The following PLAGL1 variants were observed in gnomAD, a reference collection of about 807,000 sequenced individuals.
PLAGL1 encodes zinc finger protein PLAGL1.
In PLAGL1, 1 loss-of-function variant was observed where a neutral mutation model predicts 4.6. The observed-to-expected ratio is 0.22, with a 90% CI of 0.08 to 1.03. The LOEUF is 1.03. Ranked by LOEUF, PLAGL1 falls within the 50% of genes least tolerant of loss-of-function variation. The probability of loss-of-function intolerance (pLI) is 0.58; values close to 1 mark genes in which losing one functional copy is unlikely to be tolerated. For synonymous variants in PLAGL1, 240 were observed against 237.8 expected (o/e 1.01, Z -0.08); for missense variants, 464 against 570.4 (o/e 0.81, Z 1.90).
In PLAGL1 at chr6:143,994,180, G is replaced by T. The variant is rs1333870773; in HGVS notation, c.-583-9006C>A. Reference sequence around the variant, plus strand: ...GGATTTCAAAATTGTTATGGACCAGGGACTCCCTAAAGTATACTCGTGAAA... The same window carrying T: ...GGATTTCAAAATTGTTATGGACCAGTGACTCCCTAAAGTATACTCGTGAAA... On this transcript the variant is annotated intron_variant, in intron 1 of 7. Coordinates refer to ENST00000674357, the MANE Select transcript of PLAGL1 (RefSeq NM_001317162.2). This position sits in a 1 kb window ranked among gnomAD's most constrained non-coding sequence, Gnocchi z 4.3. Among the ~76,000 whole-genome samples, 1 of 152,172 alleles carries T rather than the reference G, an allele frequency of 6.6e-6. No homozygotes were observed. The highest frequency in any genetic ancestry group is 6.5e-5 in the Admixed American group (1 of 15,304).
rs1007642247 is a variant in PLAGL1, at chr6:144,053,794, C to T, written c.-151+10674G>A. ...TGCCCAGTGAACATAGTTATAACCTCGAGATCCTTATCAGCACATCCTTCT... is the reference window on the plus strand; with the variant it reads ...TGCCCAGTGAACATAGTTATAACCTTGAGATCCTTATCAGCACATCCTTCT... On this transcript the variant is annotated intron_variant, in intron 1 of 3. Coordinates refer to the PLAGL1 transcript ENST00000437412. This position sits in a 1 kb window ranked among gnomAD's most constrained non-coding sequence, Gnocchi z 4.0. Among the ~76,000 whole-genome samples, 1 of 152,138 alleles carries T rather than the reference C, an allele frequency of 6.6e-6. No homozygotes were observed. The highest frequency in any genetic ancestry group is 1.5e-5 in the Non-Finnish European group (1 of 68,024).
At position 143,953,663 on chromosome 6, in the gene PLAGL1, C is replaced by G. The variant is rs1258447883; in HGVS notation, c.-324-5203G>C. On this transcript the variant is annotated intron_variant, in intron 6 of 7. Transcript: ENST00000674357. This position sits in a 1 kb window ranked among gnomAD's most constrained non-coding sequence, Gnocchi z 5.3. ...GTAATAGTGGGATTTTTCTAAAACA[C>G]AGCCTAATATAAAAGGGAGAAAACA... 6.6e-6 allele frequency among the ~76,000 whole-genome samples: 1 copy of G among 152,130 alleles called. No individual in the cohort carries two copies. The highest frequency in any genetic ancestry group is 1.9e-4 in the East Asian group (1 of 5,194).
Position 144,059,901 on chromosome 6 carries a change from C to T in PLAGL1, c.-151+4567G>A, listed in dbSNP as rs554385386. ...TACCTTTACTGTTTATTTCTCTGTC[C>T]CTAATGCCACTTCACTGTCCCCAGG... On this transcript the variant is annotated intron_variant, in intron 1 of 3. Transcript: ENST00000437412. This position sits in a 1 kb window ranked among gnomAD's most constrained non-coding sequence, Gnocchi z 4.9. 1.3e-5 allele frequency among the ~76,000 whole-genome samples: 2 copies of T among 152,176 alleles called. No homozygotes were observed. Among genetic ancestry groups the T allele is most frequent in the South Asian group, 2.1e-4 (1 of 4,814 alleles).
At position 143,975,917 on chromosome 6, in the gene PLAGL1, G is replaced by C. The variant is rs949820373; in HGVS notation, c.-543-6939C>G. On this transcript the variant is annotated intron_variant, in intron 2 of 7. Transcript: ENST00000674357. This position sits in a 1 kb window ranked among gnomAD's most constrained non-coding sequence, Gnocchi z 5.8. ...CACTTGAAGAGAAAAATACACACAG[G>C]GATATCTGTTGTCTGTAGATAGTGC... 6.6e-6 allele frequency among the ~76,000 whole-genome samples: 1 copy of C among 152,264 alleles called. No individual in the cohort carries two copies. The highest frequency in any genetic ancestry group is 2.1e-4 in the South Asian group (1 of 4,824).
chr6:143,942,033 A>G lies in PLAGL1; in HGVS notation c.783T>C (p.His261=), dbSNP rs200072882. The stretch of plus-strand genomic sequence containing the variant: ...GTTCTGGGGGACTGAGGGTGAGGCT[A>G]TGGACCTCAGCTGGCAAGCTACTTG... The part of the protein sequence containing the change: ...GLASSLPAEV[H]SLTLSPPEQA... Residue 261 remains histidine, a synonymous_variant, in exon 8 of 8, where the codon CAT becomes CAC. Transcript: ENST00000674357. The surrounding 1 kb of genome is among the most constrained non-coding windows in gnomAD (Gnocchi z 7.6). The G allele has an allele frequency of 6.2e-6, 10 of 1,604,360 alleles. No individual in the cohort carries two copies. The highest frequency in any genetic ancestry group is 2.2e-5 in the East Asian group (1 of 44,844).
rs1792636317 is a variant in PLAGL1, at chr6:144,000,552, G to A, written c.-584+7538C>T. Reference sequence around the variant, plus strand: ...CATGTGAGATAAATGAAAAAATTGAGTATTGCAAATATACCCATTCTTCTC... The same window carrying A: ...CATGTGAGATAAATGAAAAAATTGAATATTGCAAATATACCCATTCTTCTC... On this transcript the variant is annotated intron_variant, in intron 1 of 7. Coordinates refer to ENST00000674357, the MANE Select transcript of PLAGL1 (RefSeq NM_001317162.2). This position sits in a 1 kb window ranked among gnomAD's most constrained non-coding sequence, Gnocchi z 4.1. Among the ~76,000 whole-genome samples, 1 of 152,084 alleles carries A rather than the reference G, an allele frequency of 6.6e-6. No individual in the cohort carries two copies.
rs1470407362 is a variant in PLAGL1 at position 143,947,778 on chromosome 6, T to A, written c.152+207A>T. The stretch of plus-strand genomic sequence containing the variant: ...TGGTATATTGTAGGTGCATAAAAAA[T>A]CTCTGTTGAAAGAATGAACTGACAC... On this transcript the variant is annotated intron_variant, in intron 7 of 7. Coordinates refer to ENST00000674357, the MANE Select transcript of PLAGL1 (RefSeq NM_001317162.2). The surrounding 1 kb of genome is among the most constrained non-coding windows in gnomAD (Gnocchi z 4.3). 6.6e-6 allele frequency among the ~76,000 whole-genome samples: 1 copy of A among 150,544 alleles called. No individual in the cohort carries two copies. Among genetic ancestry groups the A allele is most frequent in the East Asian group, 1.9e-4 (1 of 5,200 alleles).
upstream of PLAGL1, among the ~76,000 whole-genome samples, chr6:144,013,110 A>C (rs1256053269): frequency 6.6e-6 from 1 of 152,226 alleles, no homozygotes; most frequent in Non-Finnish European, 1.5e-5. This position sits in a 1 kb window ranked among gnomAD's most constrained non-coding sequence, Gnocchi z 4.4. Context: ...AAATTCCATA[A>C]TCACACTTTT....
rs143094760 is a variant in PLAGL1, at chr6:143,998,544, A to C, written c.-584+9546T>G. On this transcript the variant is annotated intron_variant, in intron 1 of 7. Coordinates refer to ENST00000674357, the MANE Select transcript of PLAGL1 (RefSeq NM_001317162.2). ...ATTATAGTAGGTACTTAGTAGTGGT[A>C]GCTATTTGGCAATAGCTCTTTGTAT... Among the ~76,000 whole-genome samples the C allele has an allele frequency of 4.9e-3, 754 of 152,350 alleles. 3 individuals are homozygous for C. Among genetic ancestry groups the C allele is most frequent in the African/African-American group, 0.018 (732 of 41,582 alleles).
chr6:143,944,466 A>C (rs1779317504), intron 7 of PLAGL1, among the ~76,000 whole-genome samples: 1 of 152,106 alleles, frequency 6.6e-6, no homozygotes, highest in Admixed American at 6.5e-5. Context: ...ACAAACAAAA[A>C]CAAAAAAGGC....
At chr6:143,993,542 C>G (rs1218825320) in intron 1 of PLAGL1, among the ~76,000 whole-genome samples, 1 of 152,060 alleles carries the variant, frequency 6.6e-6, no homozygotes, top group Non-Finnish European at 1.5e-5. Flanking sequence ...CCTACACTAA[C>G]AGTTAAAGGT....
chr6:144,018,824 G>A (rs1238260642), intron 1 of PLAGL1, among the ~76,000 whole-genome samples: 3 of 152,084 alleles, frequency 2.0e-5, no homozygotes, highest in African/African-American at 4.8e-5. Context: ...TGCCAAAGAC[G>A]CACAAATTAA....
chr6:143,996,691 GAC>G (rs1262810129), intron 1 of PLAGL1, among the ~76,000 whole-genome samples: 1 of 148,102 alleles, frequency 6.8e-6, no homozygotes, highest in Non-Finnish European at 1.5e-5. Flanking sequence ...TCATGAGGTA[GAC>G]GAACAGAACA....
In PLAGL1 at chr6:143,978,844, G is replaced by A. The variant is rs1787271853; in HGVS notation, c.-544+6291C>T. 6.6e-6 allele frequency among the ~76,000 whole-genome samples: 1 copy of A among 152,172 alleles called. No homozygotes were observed. Among genetic ancestry groups the A allele is most frequent in the African/African-American group, 2.4e-5 (1 of 41,456 alleles). Reference sequence around the variant, plus strand: ...CAATGTGGTTGATAGCACTGTTCAAGTCTTCTATAGCCTTCTTGGTTTTCC... The same window carrying A: ...CAATGTGGTTGATAGCACTGTTCAAATCTTCTATAGCCTTCTTGGTTTTCC... On this transcript the variant is annotated intron_variant, in intron 2 of 7. Transcript: ENST00000674357. The surrounding 1 kb of genome is among the most constrained non-coding windows in gnomAD (Gnocchi z 4.6).
rs1797245116 is a variant in PLAGL1, at chr6:144,036,386, C to G, written c.-151+28082G>C. On this transcript the variant is annotated intron_variant, in intron 1 of 3. Coordinates refer to the PLAGL1 transcript ENST00000437412. The surrounding 1 kb of genome is among the most constrained non-coding windows in gnomAD (Gnocchi z 5.1). ...ATGCTTCAGTCTTAGTGACTGAAGA[C>G]AGCCAGCCCACATGCCCAGTACCAA... Among the ~76,000 whole-genome samples, 1 of 152,188 alleles carries G rather than the reference C, an allele frequency of 6.6e-6. No individual in the cohort carries two copies. The highest frequency in any genetic ancestry group is 1.5e-5 in the Non-Finnish European group (1 of 68,034).
chr6:143,965,627 T>G lies in PLAGL1; in HGVS notation c.-431+531A>C, dbSNP rs1654630724. The stretch of plus-strand genomic sequence containing the variant: ...GTTATAAGGAGGTGGGAACGCTGTG[T>G]TAAATTGTACCCAAGAAGATAACTC... On this transcript the variant is annotated intron_variant, in intron 4 of 7. Coordinates refer to ENST00000674357, the MANE Select transcript of PLAGL1 (RefSeq NM_001317162.2). The surrounding 1 kb of genome is among the most constrained non-coding windows in gnomAD (Gnocchi z 7.5). 1 of 152,148 alleles carries G rather than the reference T, an allele frequency of 6.6e-6. No individual in the cohort carries two copies. Among genetic ancestry groups the G allele is most frequent in the South Asian group, 2.1e-4 (1 of 4,826 alleles). 9.4% of individuals were successfully genotyped at this position (152,148 alleles called of 1,614,324 possible).
At chr6:143,998,505 A>C (rs1190253057) in intron 1 of PLAGL1, among the ~76,000 whole-genome samples, 1 of 152,234 alleles carries the variant, frequency 6.6e-6, no homozygotes, top group African/African-American at 2.4e-5. Context: ...CTTACTTTGC[A>C]AAATTGTAGC....
At chr6:144,002,474 A>G (rs1020579129) in intron 1 of PLAGL1, among the ~76,000 whole-genome samples, 1 of 152,212 alleles carries the variant, frequency 6.6e-6, no homozygotes, top group Non-Finnish European at 1.5e-5. Context: ...GTAAAGGCAT[A>G]TTTAAACCAT....
intron 1 of PLAGL1, among the ~76,000 whole-genome samples, chr6:144,033,316 C>T (rs1369815234): frequency 6.6e-6 from 1 of 152,144 alleles, no homozygotes; most frequent in African/African-American, 2.4e-5. Flanking sequence ...CAGGTTTAAG[C>T]CACTAAGTTT....
Sources: allele counts gnomAD v4.1 joint callset (sites outside exome capture counted in the v4.1 genomes callset), GRCh38; gene constraint gnomAD v4.1.1; non-coding constraint Gnocchi (gnomAD v3.1); transcripts MANE v1.5; gene names NCBI Gene and HGNC (gene_info 2026-07-23, HGNC 2026-07-21).